The following ZNF484 variants were observed in gnomAD, a reference collection of about 807,000 sequenced individuals.
ZNF484 encodes the protein KRAB box containing C2H2 type zinc finger bA526D8.4.
ZNF484 carries 11 observed loss-of-function variants against 12.9 expected under a neutral mutation model. The observed-to-expected ratio is 0.85, with a 90% confidence interval of 0.54 to 1.41. The LOEUF is 1.41. Ranked by LOEUF, ZNF484 falls within the 40% of genes most tolerant of loss-of-function variation. The pLI is 0.00. For synonymous variants in ZNF484, 289 were observed against 334.1 expected, an observed-to-expected ratio of 0.86 and a Z score of 1.47; for missense variants, 807 against 1,007.7, an observed-to-expected ratio of 0.80 and a Z score of 2.70.
chr9:92,848,920 A>C lies in ZNF484; in HGVS notation c.236-369T>G, dbSNP rs1855881383. ...CAAGACTCTGTCTCCAAAATAAATA[A>C]ATAAATAAATAAATAAATAAATAAA... On this transcript the variant is annotated intron_variant, in intron 4 of 4. Coordinates refer to ENST00000375495, the MANE Select transcript of ZNF484 (RefSeq NM_031486.4). The surrounding 1 kb of genome is among the most constrained non-coding windows in gnomAD (Gnocchi z 4.1). Among the ~76,000 whole-genome samples the C allele has an allele frequency of 6.8e-6, 1 of 147,782 alleles. No homozygotes were observed. Among genetic ancestry groups the C allele is most frequent in the Admixed American group, 6.7e-5 (1 of 14,878 alleles).
intron 2 of ZNF484, among the ~76,000 whole-genome samples, chr9:92,860,787 T>A (rs921213315): frequency 2.0e-5 from 3 of 152,016 alleles, no homozygotes; most frequent in African/African-American, 7.3e-5. Context: ...CCCTCTTGCC[T>A]CTCCAGCAGG....
At chr9:92,870,073 T>C (rs763723614) in intron 2 of ZNF484, among the ~76,000 whole-genome samples, 1 of 152,192 alleles carries the variant, frequency 6.6e-6, no homozygotes, top group Non-Finnish European at 1.5e-5. Context: ...TCTCTATTCA[T>C]CCTGTTAAGT....
In ZNF484 at chr9:92,848,283, CA is replaced by C; in HGVS notation, c.503del (p.Leu168ArgfsTer22). The C allele has an allele frequency of 6.2e-7, 1 of 1,614,106 alleles. No individual in the cohort carries two copies. Among genetic ancestry groups the C allele is most frequent in the Admixed American group, 1.7e-5 (1 of 60,026 alleles). The part of the protein sequence containing the change: ...IGEIVHVNTH[L>X]VSSRKRPHNC... ...TATGGGGTCTTTTTCTTGAGGAAAC[CA>C]GGTGTGTGTTTACATGAACTATTTC... On this transcript the variant is annotated frameshift_variant, in exon 5 of 5. Coordinates refer to ENST00000375495, the MANE Select transcript of ZNF484 (RefSeq NM_031486.4). LOFTEE classifies it low-confidence loss of function (END_TRUNC). The surrounding 1 kb of genome is among the most constrained non-coding windows in gnomAD (Gnocchi z 4.1).
chr9:92,846,916 T>C lies in ZNF484; in HGVS notation c.1871A>G (p.His624Arg). 1 of 1,613,956 alleles carries C rather than the reference T, an allele frequency of 6.2e-7. No individual in the cohort carries two copies. Among genetic ancestry groups the C allele is most frequent in the Non-Finnish European group, 8.5e-7 (1 of 1,179,958 alleles). The change falls in exon 5 of 5, where the codon CAC becomes CGC. Residue 624 changes from histidine (H) to arginine (R), a missense_variant. His to Arg is a conservative substitution (Grantham distance 29). Coordinates refer to ENST00000375495, the MANE Select transcript of ZNF484 (RefSeq NM_031486.4). The stretch of plus-strand genomic sequence containing the variant: ...TCCTGTGTGAATCTGCTGATGTACG[T>C]GGAGCTGTGATTTCTTAGTGAAGGA... Reference protein sequence around the residue: ...GKSFTKKSQLHVHQQIHTGEK... With the variant: ...GKSFTKKSQLRVHQQIHTGEK...
At position 92,849,498 on chromosome 9, in the gene ZNF484, T is replaced by C. The variant is rs116147059; in HGVS notation, c.236-947A>G. Among the ~76,000 whole-genome samples, 499 of 151,274 alleles carry C rather than the reference T, an allele frequency of 3.3e-3. 1 individual carries two copies. The highest frequency in any genetic ancestry group is 0.011 in the African/African-American group (467 of 41,250). On this transcript the variant is annotated intron_variant, in intron 4 of 4. Coordinates refer to ENST00000375495, the MANE Select transcript of ZNF484 (RefSeq NM_031486.4). Reference sequence around the variant, plus strand: ...GTTCTATATTAATTCACTTAAACTTTATCACGGCCCGGTGTGGTGGTTCAT... The same window carrying C: ...GTTCTATATTAATTCACTTAAACTTCATCACGGCCCGGTGTGGTGGTTCAT...
At chr9:92,850,256 A>C (rs998364022) in intron 4 of ZNF484, among the ~76,000 whole-genome samples, 7 of 152,250 alleles carry the variant, frequency 4.6e-5, no homozygotes, top group Non-Finnish European at 8.8e-5. Context: ...TTGGGGAAGA[A>C]GAGATTGCAA....
intron 2 of ZNF484, among the ~76,000 whole-genome samples, chr9:92,873,493 T>C (rs1564118391): frequency 1.3e-5 from 2 of 152,156 alleles, no homozygotes; most frequent in African/African-American, 4.8e-5. Flanking sequence ...AATAGCCCTG[T>C]AACACTTAAA....
chr9:92,867,893 C>G (rs147561666), intron 2 of ZNF484, among the ~76,000 whole-genome samples: 4 of 152,274 alleles, frequency 2.6e-5, no homozygotes, highest in African/African-American at 9.6e-5. Flanking sequence ...GTCTTGGAGA[C>G]TCCTGAGCTT....
intron 4 of ZNF484, among the ~76,000 whole-genome samples, chr9:92,851,982 A>G (rs933995883): frequency 6.6e-6 from 1 of 152,260 alleles, no homozygotes; most frequent in Non-Finnish European, 1.5e-5. Flanking sequence ...TCAAGATTTC[A>G]TGCAGTTATC....
At position 92,846,245 on chromosome 9, in the gene ZNF484, G is replaced by A. The variant is rs755525980; in HGVS notation, c.2542C>T (p.Gln848Ter). 2.4e-5 allele frequency: 39 copies of A among 1,612,896 alleles called. No homozygotes were observed. The highest frequency in any genetic ancestry group is 3.2e-5 in the Non-Finnish European group (38 of 1,179,528). Residue 848 changes from glutamine to a stop codon, truncating the protein, a stop_gained, in exon 5 of 5, where the codon CAA becomes TAA. Coordinates refer to ENST00000375495, the MANE Select transcript of ZNF484 (RefSeq NM_031486.4). LOFTEE classifies it high-confidence loss of function. ...WCGDSEGDQGQLSSI is the reference protein window; with the variant it reads ...WCGDSEGDQG Reference sequence around the variant, plus strand: ...AATTCTAACTAGATAGAAGAAAGTTGGCCTTGGTCACCTTCTGAGTCCCCA... The same window carrying A: ...AATTCTAACTAGATAGAAGAAAGTTAGCCTTGGTCACCTTCTGAGTCCCCA...
chr9:92,847,962 T>C lies in ZNF484; in HGVS notation c.825A>G (p.Glu275=), dbSNP rs932108086. The C allele has an allele frequency of 9.9e-6, 16 of 1,614,108 alleles. No individual in the cohort carries two copies. Among genetic ancestry groups the C allele is most frequent in the Non-Finnish European group, 1.4e-5 (16 of 1,180,040 alleles). ...HAFAHESICA[E]EKQHECHECE... is the part of the protein sequence containing the mutation. The stretch of plus-strand genomic sequence containing the variant: ...ATTCATGGCATTCATGCTGCTTTTC[T>C]TCAGCACAAATACTCTCATGTGCAA... Residue 275 remains glutamate (E), a synonymous_variant, in exon 5 of 5, where the codon GAA becomes GAG. Coordinates refer to ENST00000375495, the MANE Select transcript of ZNF484 (RefSeq NM_031486.4).
At chr9:92,850,505 T>C (rs774110344) in intron 4 of ZNF484, among the ~76,000 whole-genome samples, 2 of 152,356 alleles carry the variant, frequency 1.3e-5, no homozygotes, top group South Asian at 2.1e-4. Context: ...GAAAAATTTA[T>C]ATACATTTGT....
At chr9:92,861,445 G>GA in intron 2 of ZNF484, among the ~76,000 whole-genome samples, 1 of 152,226 alleles carries the variant, frequency 6.6e-6, no homozygotes, top group East Asian at 1.9e-4. Flanking sequence ...TCTCAGCAAA[G>GA]AAATAGAAGG....
chr9:92,874,325 T>G (rs1857654552), intron 2 of ZNF484, among the ~76,000 whole-genome samples: 1 of 151,160 alleles, frequency 6.6e-6, no homozygotes, highest in South Asian at 2.1e-4. Context: ...TTTTTTTTTT[T>G]TTTGAGACAG....
At chr9:92,862,562 C>T (rs1856839623) in intron 2 of ZNF484, among the ~76,000 whole-genome samples, 1 of 152,028 alleles carries the variant, frequency 6.6e-6, no homozygotes, top group African/African-American at 2.4e-5. Context: ...CAGGAAAATA[C>T]ATGATAAATT....
intron 2 of ZNF484, among the ~76,000 whole-genome samples, chr9:92,857,189 C>T (rs1041245826): frequency 4.8e-4 from 73 of 152,288 alleles, no homozygotes; most frequent in African/African-American, 1.7e-3. Context: ...TGTTTCAAAG[C>T]ACTGGAAAGC....
chr9:92,855,940 G>C (rs140319551), intron 3 of ZNF484, 37 bp from the exon 4 acceptor site: 3 of 1,603,940 alleles, frequency 1.9e-6, no homozygotes, highest in Non-Finnish European at 2.6e-6. Flanking sequence ...TGATTTCAGA[G>C]GCCATACAAT....
At position 92,846,729 on chromosome 9, in the gene ZNF484, A is replaced by G. The variant is rs1355532584; in HGVS notation, c.2058T>C (p.His686=). Residue 686 remains histidine, a synonymous_variant, in exon 5 of 5, where the codon CAT becomes CAC. Coordinates refer to ENST00000375495, the MANE Select transcript of ZNF484 (RefSeq NM_031486.4). ...TGCACTCATAATGCCTTTCTCCAGT[A>G]TGGGATTGCTGATGTATATGGAGAC... ...KSGLHIHQQS[H]TGERHYECSE... 6.2e-7 allele frequency: 1 copy of G among 1,614,020 alleles called. No individual in the cohort carries two copies. Among genetic ancestry groups the G allele is most frequent in the Non-Finnish European group, 8.5e-7 (1 of 1,179,988 alleles).
chr9:92,867,200 C>T (rs187586565), intron 2 of ZNF484, among the ~76,000 whole-genome samples: 8 of 152,186 alleles, frequency 5.3e-5, no homozygotes, highest in African/African-American at 1.9e-4. Context: ...CAAAATTAGC[C>T]GGGCACAGTG....
Sources: allele counts gnomAD v4.1 joint callset (sites outside exome capture counted in the v4.1 genomes callset), GRCh38; gene constraint gnomAD v4.1.1; non-coding constraint Gnocchi (gnomAD v3.1); transcripts MANE v1.5; gene names NCBI Gene and HGNC (gene_info 2026-07-23, HGNC 2026-07-21).